Variants in TOGARAM1 observed in about 807,000 individuals in gnomAD.
TOGARAM1 encodes the protein TOG array regulator of axonemal microtubules 1.
TOGARAM1 carries 100 observed loss-of-function variants against 166.6 expected under a neutral mutation model. The observed-to-expected ratio is 0.60, with a 90% CI of 0.51 to 0.71. The LOEUF (loss-of-function observed/expected upper bound fraction) is 0.71, where lower values mean the gene tolerates loss of function less well. Ranked by LOEUF, TOGARAM1 falls within the 30% of genes least tolerant of loss-of-function variation. The pLI, the probability that TOGARAM1 is intolerant of heterozygous loss-of-function variation, is 0.00. For synonymous variants in TOGARAM1, 758 were observed against 763.8 expected (o/e 0.99, Z 0.13); for missense variants, 2,029 against 2,102.7 (o/e 0.96, Z 0.69).
intron 17 of TOGARAM1, among the ~76,000 whole-genome samples, chr14:45,067,217 A>G (rs939137541): frequency 1.3e-5 from 2 of 152,152 alleles, no homozygotes; most frequent in Non-Finnish European, 2.9e-5. Context: ...GAGGATAGCT[A>G]TTTATTAGTC....
At chr14:45,028,054 T>C (rs1880958016) in intron 9 of TOGARAM1, 122 bp from the exon 10 acceptor site, 2 of 719,932 alleles carry the variant, frequency 2.8e-6, no homozygotes, top group East Asian at 2.8e-5. Flanking sequence ...TATTCTGTTT[T>C]CTAGGACACA....
intron 3 of TOGARAM1, among the ~76,000 whole-genome samples, chr14:45,002,063 A>G (rs1317827446): frequency 6.6e-6 from 1 of 152,204 alleles, no homozygotes; most frequent in African/African-American, 2.4e-5. Context: ...TGAAAAAATA[A>G]TGATTTGAAA....
intron 11 of TOGARAM1, among the ~76,000 whole-genome samples, chr14:45,038,940 C>T (rs376958959): frequency 2.6e-4 from 40 of 152,120 alleles, no homozygotes; most frequent in African/African-American, 3.9e-4. Context: ...CCTTTCTGCA[C>T]GCAAGTTGTC....
At chr14:45,042,456 C>CACAT (rs1321679671) in intron 11 of TOGARAM1, 2 of 150,872 alleles carry the variant, frequency 1.3e-5, no homozygotes, top group Non-Finnish European at 2.9e-5. Flanking sequence ...CACACACACA[C>CACAT]ACATACACAT....
chr14:45,068,746 T>G (rs1212682642), intron 18 of TOGARAM1, 103 bp downstream of exon 18: 1 of 772,252 alleles, frequency 1.3e-6, no homozygotes, highest in East Asian at 2.9e-5. Context: ...AGTTATTCAG[T>G]TTTTTAAACT....
rs566426893 is a variant in TOGARAM1 at position 44,964,005 on chromosome 14, A to G, written c.1584A>G (p.Gln528=). The G allele has an allele frequency of 1.3e-5, 21 of 1,614,208 alleles. No individual in the cohort carries two copies. In the South Asian group the frequency reaches 2.1e-4, roughly 16 times the overall value. The change falls in exon 1 of 20, where the codon CAA becomes CAG. Residue 528 remains glutamine, a synonymous_variant. Transcript: ENST00000361462. ...TAGATAGCAAACGCAGGGTACGCCA[A>G]GCAGCTTTAGAAGCTTTTGCCGTAT... ...ALVDSKRRVR[Q]AALEAFAVLA...
At chr14:44,991,100 C>T (rs1054657335) in intron 1 of TOGARAM1, among the ~76,000 whole-genome samples, 13 of 151,234 alleles carry the variant, frequency 8.6e-5, no homozygotes, top group Admixed American at 5.9e-4. Context: ...CTGGGACTAC[C>T]GGAATGCAAC....
At chr14:44,969,708 T>G (rs1885777919) in intron 1 of TOGARAM1, among the ~76,000 whole-genome samples, 1 of 152,234 alleles carries the variant, frequency 6.6e-6, no homozygotes, top group Admixed American at 6.5e-5. Flanking sequence ...ATGATCCATT[T>G]GGAGTTAATT....
At chr14:44,978,562 T>A (rs927612553) in intron 1 of TOGARAM1, among the ~76,000 whole-genome samples, 1 of 152,096 alleles carries the variant, frequency 6.6e-6, no homozygotes, top group Non-Finnish European at 1.5e-5. Flanking sequence ...CCCAACACTT[T>A]GGGAGGCCAA....
At chr14:44,980,895 T>C (rs1317378655) in intron 1 of TOGARAM1, among the ~76,000 whole-genome samples, 1 of 152,158 alleles carries the variant, frequency 6.6e-6, no homozygotes, top group African/African-American at 2.4e-5. Context: ...CAGCAATGTG[T>C]AGTTTAAACC....
chr14:44,963,508 G>A lies in TOGARAM1; in HGVS notation c.1087G>A (p.Glu363Lys). 1 of 1,614,190 alleles carries A rather than the reference G, an allele frequency of 6.2e-7. No homozygotes were observed. Among genetic ancestry groups the A allele is most frequent in the Non-Finnish European group, 8.5e-7 (1 of 1,180,034 alleles). Residue 363 changes from glutamate to lysine, a missense_variant, in exon 1 of 20, where the codon GAA becomes AAA. Coordinates refer to ENST00000361462, the MANE Select transcript of TOGARAM1 (RefSeq NM_001308120.2). ...QELHSRLLDQEDYKNRTQAVE... is the reference protein window; with the variant it reads ...QELHSRLLDQKDYKNRTQAVE... The stretch of plus-strand genomic sequence containing the variant: ...GCTGCATTCACGATTATTGGATCAG[G>A]AAGACTATAAGAACCGGACCCAGGC...
At chr14:44,991,568 G>A (rs181828233) in intron 1 of TOGARAM1, among the ~76,000 whole-genome samples, 20 of 152,270 alleles carry the variant, frequency 1.3e-4, no homozygotes, top group African/African-American at 4.3e-4. Flanking sequence ...AAAGATATGT[G>A]TGTAACAATG....
chr14:45,027,217 C>T (rs953709894), intron 8 of TOGARAM1, 82 bp from the exon 9 acceptor site: 53 of 1,385,844 alleles, frequency 3.8e-5, no homozygotes, highest in Non-Finnish European at 5.1e-5. Flanking sequence ...TTCTTGAAGG[C>T]AAGAGCCTTG....
At chr14:44,972,275 T>C (rs191778069) in intron 1 of TOGARAM1, among the ~76,000 whole-genome samples, 1 of 146,868 alleles carries the variant, frequency 6.8e-6, no homozygotes, top group African/African-American at 2.5e-5. Context: ...TGTGTGTGTG[T>C]TTTTTTTTTG....
intron 2 of TOGARAM1, among the ~76,000 whole-genome samples, chr14:44,997,797 C>T (rs1242819712): frequency 1.3e-5 from 2 of 150,358 alleles, no homozygotes; most frequent in African/African-American, 4.9e-5. Context: ...AGTGAGACTC[C>T]GTCTCAAAAA....
chr14:45,060,986 C>T (rs114956580), intron 16 of TOGARAM1, among the ~76,000 whole-genome samples: 2,937 of 152,024 alleles, frequency 0.019, 34 homozygotes, highest in African/African-American at 0.04. Flanking sequence ...ATACATATGC[C>T]CACTAATTTT....
chr14:45,043,772 AT>A lies in TOGARAM1; in HGVS notation c.3903del (p.Phe1301LeufsTer7). ...EILNTKLHET[N>X]FAVVQEVKNL... Reference sequence around the variant, plus strand: ...CTGAACACAAAGTTGCATGAAACAAATTTTGCAGTTGTTCAAGAGGTAAACT... The same window carrying A: ...CTGAACACAAAGTTGCATGAAACAAATTTGCAGTTGTTCAAGAGGTAAACT... On this transcript the variant is annotated frameshift_variant, in exon 12 of 20. Transcript: ENST00000361462. LOFTEE classifies it high-confidence loss of function. 6.2e-7 allele frequency: 1 copy of A among 1,609,644 alleles called. No individual in the cohort carries two copies.
At chr14:44,966,270 G>A (rs867854173) in intron 1 of TOGARAM1, among the ~76,000 whole-genome samples, 19 of 151,046 alleles carry the variant, frequency 1.3e-4, no homozygotes, top group African/African-American at 4.4e-4. Flanking sequence ...TCAGGAGTTG[G>A]AGACCAGCCT....
intron 15 of TOGARAM1, 147 bp from the exon 16 acceptor site, chr14:45,054,284 A>T (rs1454975882): frequency 5.7e-6 from 3 of 528,078 alleles, no homozygotes; most frequent in Non-Finnish European, 1.0e-5. Flanking sequence ...TGTTTTATGT[A>T]TCTCATACTC....
Sources: gnomAD v4.1 joint callset for allele counts (sites outside exome capture counted in the v4.1 genomes callset) on GRCh38, gnomAD v4.1.1 for gene constraint, MANE v1.5 for transcripts, NCBI Gene and HGNC (gene_info 2026-07-23, HGNC 2026-07-21) for gene names.